Variants in SLC12A6 observed in about 807,000 individuals in gnomAD.
The protein encoded by SLC12A6 is K-Cl cotransporter 3.
A neutral mutation model predicts 135.3 loss-of-function variants in SLC12A6; 66 were observed. That is an observed-to-expected ratio of 0.49 (90% CI 0.40 to 0.60). The LOEUF (loss-of-function observed/expected upper bound fraction) is 0.60, where lower values mean the gene tolerates loss of function less well. Among genes scored for constraint, SLC12A6 ranks in the 20% least tolerant of loss-of-function variants. The pLI, the probability that SLC12A6 is intolerant of heterozygous loss-of-function variation, is 0.00. For synonymous variants in SLC12A6, 513 were observed against 508.8 expected, an observed-to-expected ratio of 1.01 and a Z score of -0.11; for missense variants, 1,058 against 1,452.3, an observed-to-expected ratio of 0.73 and a Z score of 4.41.
intron 6 of SLC12A6, among the ~76,000 whole-genome samples, chr15:34,256,690 C>A (rs1178461969): frequency 6.6e-6 from 1 of 152,222 alleles, no homozygotes; most frequent in Non-Finnish European, 1.5e-5. Context: ...CTGAAGGCTT[C>A]TGAGCACACA....
intron 3 of SLC12A6, among the ~76,000 whole-genome samples, chr15:34,274,117 T>C (rs763054257): frequency 9.2e-5 from 14 of 152,154 alleles, no homozygotes; most frequent in Non-Finnish European, 2.1e-4. Flanking sequence ...TACATGCTCA[T>C]GAGTAGGAAA....
intron 2 of SLC12A6, among the ~76,000 whole-genome samples, chr15:34,295,151 T>C (rs1296330527): frequency 1.3e-5 from 2 of 152,176 alleles, no homozygotes; most frequent in Admixed American, 6.5e-5. Context: ...GTAAGTACTA[T>C]CATGATTGTT....
At chr15:34,293,824 A>G (rs542989725) in intron 2 of SLC12A6, among the ~76,000 whole-genome samples, 2 of 152,160 alleles carry the variant, frequency 1.3e-5, no homozygotes, top group African/African-American at 4.8e-5. Context: ...GGCTGGCCAC[A>G]AACTCCTGTT....
At chr15:34,315,404 A>G (rs1319912175) in intron 2 of SLC12A6, among the ~76,000 whole-genome samples, 2 of 152,152 alleles carry the variant, frequency 1.3e-5, no homozygotes, top group Non-Finnish European at 2.9e-5. Flanking sequence ...GGCTCAGATG[A>G]TCATTAGCAT....
chr15:34,233,638 G>A lies in SLC12A6; in HGVS notation c.*243C>T, dbSNP rs1295579003. 2.7e-5 allele frequency: 13 copies of A among 477,552 alleles called. No homozygotes were observed. The highest frequency in any genetic ancestry group is 7.1e-5 in the South Asian group (3 of 41,960). The allele number at this position is 477,552 out of a possible 1,614,324, so 29.6% of individuals were successfully genotyped here. A position where few individuals can be genotyped will look rare whatever the true frequency, so the allele number is the denominator to read the frequency against. On this transcript the variant is annotated 3_prime_UTR_variant, in exon 26 of 26. Transcript: ENST00000354181. ...CTAATTTGCCTTTGACTGCTCAGAC[G>A]TGGCTTGAAAGACTTGAGCATTGTT...
intron 3 of SLC12A6, among the ~76,000 whole-genome samples, chr15:34,269,551 G>A (rs1006130544): frequency 6.6e-6 from 1 of 152,182 alleles, no homozygotes; most frequent in Non-Finnish European, 1.5e-5. Context: ...GTTTGGGTTT[G>A]TACTATGTGA....
At chr15:34,286,370 C>T (rs1013727923) in intron 2 of SLC12A6, among the ~76,000 whole-genome samples, 1 of 152,062 alleles carries the variant, frequency 6.6e-6, no homozygotes, top group African/African-American at 2.4e-5. Context: ...GCCACCATGC[C>T]TGGCCTTATG....
At position 34,242,090 on chromosome 15, in the gene SLC12A6, A is replaced by C. The variant is rs979728984; in HGVS notation, c.2162+12T>G. On this transcript the variant is annotated intron_variant, in intron 17 of 25. Coordinates refer to ENST00000354181, the MANE Select transcript of SLC12A6 (RefSeq NM_001365088.1). ...TACTTTTAGCAGTGATCAAGATTAA[A>C]TCCACACTCACCCTTGGTATTCAAT... 3 of 1,601,998 alleles carry C rather than the reference A, an allele frequency of 1.9e-6. No individual in the cohort carries two copies. Among genetic ancestry groups the C allele is most frequent in the Middle Eastern group, 3.3e-4 (2 of 6,034 alleles).
intron 5 of SLC12A6, 145 bp from the exon 6 acceptor site, chr15:34,257,933 T>C (rs1369044008): frequency 2.8e-5 from 18 of 633,552 alleles, no homozygotes; most frequent in East Asian, 2.7e-4. Context: ...AAAGGGCACA[T>C]ATAAAATCTC....
intron 2 of SLC12A6, among the ~76,000 whole-genome samples, chr15:34,323,936 G>T (rs1175541818): frequency 1.9e-5 from 2 of 103,630 alleles, no homozygotes; most frequent in African/African-American, 8.3e-5. Context: ...GTGAGATCTT[G>T]TCTCAAAAAA....
chr15:34,255,473 A>C, intron 7 of SLC12A6, 81 bp from the exon 8 acceptor site: 1 of 997,616 alleles, frequency 1.0e-6, no homozygotes, highest in Non-Finnish European at 1.6e-6. Context: ...AATAAGAAAA[A>C]ATATATACAT....
At chr15:34,253,977 G>A (rs924880039) in intron 9 of SLC12A6, among the ~76,000 whole-genome samples, 1 of 152,222 alleles carries the variant, frequency 6.6e-6, no homozygotes, top group Admixed American at 6.5e-5. Flanking sequence ...AGCACGTCGG[G>A]AGGCCAAGGT....
intron 2 of SLC12A6, among the ~76,000 whole-genome samples, chr15:34,287,189 G>A (rs1324778256): frequency 1.3e-5 from 2 of 152,188 alleles, no homozygotes; most frequent in African/African-American, 4.8e-5. Context: ...GTGTCCATGT[G>A]TTCTCATTGT....
chr15:34,278,548 C>T (rs908750362), intron 2 of SLC12A6, among the ~76,000 whole-genome samples: 2 of 152,164 alleles, frequency 1.3e-5, no homozygotes, highest in Admixed American at 6.5e-5. Context: ...GAACACCCTC[C>T]TATACTTCAG....
intron 2 of SLC12A6, among the ~76,000 whole-genome samples, chr15:34,279,634 C>T (rs1228838207): frequency 1.3e-5 from 2 of 152,134 alleles, no homozygotes; most frequent in Non-Finnish European, 2.9e-5. Flanking sequence ...TGGGAGTTGT[C>T]CTAAAGATTA....
intron 3 of SLC12A6, among the ~76,000 whole-genome samples, chr15:34,270,117 G>C (rs1893813275): frequency 6.6e-6 from 1 of 151,740 alleles, no homozygotes; most frequent in Non-Finnish European, 1.5e-5. Flanking sequence ...TACTCCAATG[G>C]TGACCAGTTA....
At chr15:34,305,827 G>A (rs1896570295) in intron 2 of SLC12A6, among the ~76,000 whole-genome samples, 2 of 149,094 alleles carry the variant, frequency 1.3e-5, no homozygotes, top group South Asian at 2.1e-4. Context: ...GCGCGATCTC[G>A]GCTCACTGCA....
intron 2 of SLC12A6, among the ~76,000 whole-genome samples, chr15:34,292,101 G>A (rs1300910689): frequency 6.6e-6 from 1 of 152,138 alleles, no homozygotes; most frequent in Non-Finnish European, 1.5e-5. Context: ...TTCTGCTCTG[G>A]TTTCTTCCCA....
intron 17 of SLC12A6, 92 bp downstream of exon 17, chr15:34,242,010 T>C: frequency 1.1e-6 from 1 of 912,650 alleles, no homozygotes; most frequent in Non-Finnish European, 1.8e-6. Context: ...TGAAGTTACC[T>C]GAGTCCTTAA....
Sources: allele counts gnomAD v4.1 joint callset (sites outside exome capture counted in the v4.1 genomes callset), GRCh38; gene constraint gnomAD v4.1.1; transcripts MANE v1.5; gene names NCBI Gene and HGNC (gene_info 2026-07-23, HGNC 2026-07-21).